The following CAST variants were observed in gnomAD, a reference collection of about 807,000 sequenced individuals.
CAST encodes calpastatin.
In CAST, 76 loss-of-function variants were observed where a neutral mutation model predicts 119.6. The ratio of observed to expected loss-of-function variants is 0.64; its 90% CI spans 0.53 to 0.77. CAST has a LOEUF of 0.77. CAST is among the 30% of genes least tolerant of loss of function. The probability of loss-of-function intolerance (pLI) is 0.00; values close to 1 mark genes in which losing one functional copy is unlikely to be tolerated. For synonymous variants in CAST, 319 were observed against 331.6 expected (o/e 0.96, Z 0.41); for missense variants, 953 against 946.5 (o/e 1.01, Z -0.09).
intron 1 of CAST, among the ~76,000 whole-genome samples, chr5:96,563,599 G>A (rs189326856): frequency 2.0e-4 from 31 of 152,148 alleles, no homozygotes; most frequent in Admixed American, 2.0e-4. Flanking sequence ...TTGTCACTGT[G>A]TCTATCTTCA....
At chr5:96,036,311 T>A in the CAST span, among the ~76,000 whole-genome samples, 4 of 152,260 alleles carry the variant, frequency 2.6e-5, no homozygotes, top group Admixed American at 2.0e-4. Context: ...ATTTATTCCC[T>A]TTTTAAGAAA....
chr5:96,184,207 A>G, the CAST span, among the ~76,000 whole-genome samples: 2 of 152,186 alleles, frequency 1.3e-5, no homozygotes, highest in Non-Finnish European at 2.9e-5. Flanking sequence ...CTCAAGACCC[A>G]GGATCCCAAC....
the CAST span, among the ~76,000 whole-genome samples, chr5:96,498,358 T>G: frequency 6.6e-6 from 1 of 152,202 alleles, no homozygotes; most frequent in Non-Finnish European, 1.5e-5. Context: ...CTTTTTTGGT[T>G]CCATATGAAC....
intron 24 of CAST, among the ~76,000 whole-genome samples, chr5:96,759,314 A>C (rs1398570919): frequency 6.6e-6 from 1 of 152,176 alleles, no homozygotes; most frequent in African/African-American, 2.4e-5. Flanking sequence ...CTTTGATATA[A>C]TAGAACAGAA....
intron 1 of CAST, among the ~76,000 whole-genome samples, chr5:96,644,067 G>A (rs1229661032): frequency 6.6e-6 from 1 of 151,828 alleles, no homozygotes; most frequent in African/African-American, 2.4e-5. Context: ...AAAAAAAATT[G>A]AGGGTTTCTT....
chr5:96,622,781 C>G (rs564518062), intron 1 of CAST, among the ~76,000 whole-genome samples: 6 of 146,488 alleles, frequency 4.1e-5, no homozygotes, highest in Non-Finnish European at 9.0e-5. Context: ...TCTTAAGATT[C>G]TATTTACAGT....
intron 1 of CAST, among the ~76,000 whole-genome samples, chr5:96,638,973 T>C (rs155055): frequency 0.27 from 41,406 of 152,136 alleles, 5,818 homozygotes; most frequent in Non-Finnish European, 0.29. Flanking sequence ...ATCCCTTCTC[T>C]AGACACACTA....
chr5:96,234,279 C>T, the CAST span, among the ~76,000 whole-genome samples: 1 of 152,110 alleles, frequency 6.6e-6, no homozygotes, highest in Non-Finnish European at 1.5e-5. Context: ...AAACAGCCTG[C>T]TGGGGCTGGA....
the CAST span, among the ~76,000 whole-genome samples, chr5:96,117,717 C>T: frequency 6.6e-6 from 1 of 152,152 alleles, no homozygotes; most frequent in African/African-American, 2.4e-5. Flanking sequence ...TTAGACCAAA[C>T]GATATTGTTT....
At chr5:96,064,061 A>G in the CAST span, among the ~76,000 whole-genome samples, 1 of 152,134 alleles carries the variant, frequency 6.6e-6, no homozygotes, top group Non-Finnish European at 1.5e-5. Context: ...AGGTGGAGAC[A>G]GGGGAATAAT....
At chr5:96,318,793 G>C in the CAST span, 1 of 152,150 alleles carries the variant, frequency 6.6e-6, no homozygotes, top group Non-Finnish European at 1.5e-5. Flanking sequence ...CCAGCTGTCA[G>C]ACTGCCAGGA....
chr5:96,596,454 T>C (rs149211221), intron 1 of CAST, among the ~76,000 whole-genome samples: 3 of 152,314 alleles, frequency 2.0e-5, no homozygotes, highest in African/African-American at 7.2e-5. Flanking sequence ...ATCAAACTGA[T>C]TTTTTGCTTT....
intron 1 of CAST, among the ~76,000 whole-genome samples, chr5:96,628,880 G>C (rs1260396847): frequency 6.6e-6 from 1 of 152,126 alleles, no homozygotes; most frequent in Non-Finnish European, 1.5e-5. Flanking sequence ...GGGTCATAAA[G>C]GCCCAGCCAT....
intron 1 of CAST, among the ~76,000 whole-genome samples, chr5:96,609,722 G>A (rs1212891987): frequency 6.6e-6 from 1 of 152,216 alleles, no homozygotes; most frequent in Non-Finnish European, 1.5e-5. Flanking sequence ...ATGATTATAA[G>A]ATGTAACTAT....
chr5:96,316,461 G>C, the CAST span, among the ~76,000 whole-genome samples: 2 of 152,092 alleles, frequency 1.3e-5, no homozygotes, highest in Non-Finnish European at 2.9e-5. Context: ...AAGAGGCAGG[G>C]GAACCACAAT....
At chr5:96,227,071 G>T in the CAST span, among the ~76,000 whole-genome samples, 1 of 152,130 alleles carries the variant, frequency 6.6e-6, no homozygotes, top group Non-Finnish European at 1.5e-5. Flanking sequence ...CTGGCTTCCA[G>T]GATCTTCTTG....
At chr5:96,573,176 T>C (rs761162811) in intron 1 of CAST, among the ~76,000 whole-genome samples, 1 of 152,212 alleles carries the variant, frequency 6.6e-6, no homozygotes, top group Non-Finnish European at 1.5e-5. Context: ...GTTTGATGAC[T>C]CAACTGGGTA....
the CAST span, among the ~76,000 whole-genome samples, chr5:96,191,328 A>T: frequency 6.6e-6 from 1 of 152,234 alleles, no homozygotes; most frequent in Non-Finnish European, 1.5e-5. Flanking sequence ...ACTTGAGGTT[A>T]CTTATATGCC....
At chr5:96,295,065 T>C in the CAST span, among the ~76,000 whole-genome samples, 2 of 152,238 alleles carry the variant, frequency 1.3e-5, no homozygotes, top group African/African-American at 4.8e-5. Context: ...GCTGCTTCCC[T>C]GTATTTGTTA....
Sources: allele counts gnomAD v4.1 joint callset (sites outside exome capture counted in the v4.1 genomes callset), GRCh38; gene constraint gnomAD v4.1.1; transcripts MANE v1.5; gene names NCBI Gene and HGNC (gene_info 2026-07-23, HGNC 2026-07-21).